The following EYA4 variants were observed in gnomAD, a reference collection of about 807,000 sequenced individuals.
EYA4 encodes EYA transcriptional coactivator and phosphatase 4, also known as protein phosphatase EYA4.
A neutral mutation model predicts 87.9 loss-of-function variants in EYA4; 31 were observed. That is an observed-to-expected ratio of 0.35 (90% CI 0.27 to 0.48). The LOEUF (loss-of-function observed/expected upper bound fraction) is 0.48. Among genes scored for constraint, EYA4 ranks in the 20% least tolerant of loss-of-function variants. EYA4 has a pLI of 0.99. For missense variants in EYA4, 678 were observed against 761.4 expected, an observed-to-expected ratio of 0.89 and a Z score of 1.29; for synonymous variants, 263 against 270.6, an observed-to-expected ratio of 0.97 and a Z score of 0.28.
intron 1 of EYA4, among the ~76,000 whole-genome samples, 159 bp downstream of exon 1, chr6:133,241,908 T>G (rs993603712): frequency 6.6e-6 from 1 of 152,060 alleles, no homozygotes; most frequent in Non-Finnish European, 1.5e-5. Context: ...GGCGCCTGCG[T>G]CCCCGGGGGG....
intron 2 of EYA4, among the ~76,000 whole-genome samples, chr6:133,313,258 T>C (rs1427053026): frequency 6.6e-6 from 1 of 152,094 alleles, no homozygotes; most frequent in East Asian, 1.9e-4. Context: ...TCCTGTGGAG[T>C]AGGAAAGTTT....
chr6:133,404,299 A>G (rs891843960), intron 3 of EYA4, among the ~76,000 whole-genome samples: 4 of 152,214 alleles, frequency 2.6e-5, no homozygotes, highest in Admixed American at 1.3e-4. Context: ...GGGAGAGCAG[A>G]TAAGATCCCC....
chr6:133,367,107 C>G (rs989551016), intron 2 of EYA4, among the ~76,000 whole-genome samples: 1 of 152,154 alleles, frequency 6.6e-6, no homozygotes, highest in African/African-American at 2.4e-5. Flanking sequence ...GATTACTAGA[C>G]AAGTAGTCTT....
At chr6:133,462,548 T>C (rs996239756) in intron 8 of EYA4, 71 bp downstream of exon 8, 214 of 1,612,136 alleles carry the variant, frequency 1.3e-4, no homozygotes, top group Non-Finnish European at 1.7e-4. Context: ...CTTTGTATTC[T>C]ATTGTAGGTT....
intron 3 of EYA4, chr6:133,435,355 A>T (rs1266753746): frequency 1.3e-5 from 2 of 152,304 alleles, no homozygotes; most frequent in African/African-American, 4.8e-5. Context: ...TCACTGGCAC[A>T]TTTCAAGAAC....
chr6:133,373,792 A>G (rs1268184596), intron 2 of EYA4, among the ~76,000 whole-genome samples: 1 of 152,060 alleles, frequency 6.6e-6, no homozygotes, highest in Non-Finnish European at 1.5e-5. Flanking sequence ...TGAGGAAAAA[A>G]ATTCTTTTAG....
intron 16 of EYA4, among the ~76,000 whole-genome samples, chr6:133,515,016 T>C (rs1325248433): frequency 6.6e-6 from 1 of 152,178 alleles, no homozygotes; most frequent in Admixed American, 6.5e-5. Context: ...GGCAGGGGCA[T>C]GTTCAAAGCT....
intron 2 of EYA4, among the ~76,000 whole-genome samples, chr6:133,281,095 C>A (rs965654644): frequency 3.3e-5 from 5 of 152,156 alleles, no homozygotes; most frequent in African/African-American, 1.2e-4. Context: ...TATGGAGACA[C>A]TTCTATTTAT....
chr6:133,242,566 G>A (rs1316177360), intron 1 of EYA4, among the ~76,000 whole-genome samples: 1 of 152,176 alleles, frequency 6.6e-6, no homozygotes, highest in Non-Finnish European at 1.5e-5. Flanking sequence ...AAATGGCTCG[G>A]ATTTTTAGCG....
chr6:133,484,746 G>T (rs564609527), intron 13 of EYA4, among the ~76,000 whole-genome samples: 32 of 152,306 alleles, frequency 2.1e-4, no homozygotes, highest in African/African-American at 7.5e-4. Flanking sequence ...TATTAGGTAA[G>T]TGTTTAAAAT....
chr6:133,464,353 G>A (rs1794664619), intron 9 of EYA4, among the ~76,000 whole-genome samples: 1 of 152,122 alleles, frequency 6.6e-6, no homozygotes, highest in Non-Finnish European at 1.5e-5. Flanking sequence ...GGTTCTGTAT[G>A]TTTATTTCCC....
Position 133,456,465 on chromosome 6 carries a change from C to T in EYA4, c.278-91C>T, listed in dbSNP as rs115009798. ...CTTCTCAGGTTTTCTCTTGCATGCC[C>T]ATGGTAGCTAGAAATATCACTAGTA... On this transcript the variant is annotated intron_variant, in intron 5 of 19. Transcript: ENST00000355286. 1,375 of 908,096 alleles carry T rather than the reference C, an allele frequency of 1.5e-3. 12 individuals carry two copies. In the African/African-American group the frequency reaches 0.018, roughly 12 times the overall value. 56.3% of individuals were successfully genotyped at this position (908,096 alleles called of 1,614,324 possible).
rs1196207213 is a variant in EYA4 at position 133,446,618 on chromosome 6, C to G, written c.84-12C>G. The G allele has an allele frequency of 1.2e-6, 2 of 1,613,702 alleles. No homozygotes were observed. The highest frequency in any genetic ancestry group is 8.5e-7 in the Non-Finnish European group (1 of 1,179,844). On this transcript the variant is annotated splice_polypyrimidine_tract_variant and intron_variant, in intron 3 of 19. Coordinates refer to ENST00000355286, the MANE Select transcript of EYA4 (RefSeq NM_004100.5). The stretch of plus-strand genomic sequence containing the variant: ...AATTTCAACTTTTCTCTGCTGCTTA[C>G]TGCTCTACCAGGTCTATGGAAATGC...
intron 3 of EYA4, among the ~76,000 whole-genome samples, chr6:133,410,633 T>TTTTTTTTTTTTTTTTTTTTTGAGACAG (rs1554252061): frequency 6.7e-6 from 1 of 148,720 alleles, no homozygotes; most frequent in Non-Finnish European, 1.5e-5. Context: ...ACTAAGGTCT[T>TTTTTTTTTTTTTTTTTTTTTGAGACAG]AATTCCTTCT....
intron 13 of EYA4, among the ~76,000 whole-genome samples, chr6:133,500,718 C>T (rs147245182): frequency 6.6e-6 from 1 of 152,118 alleles, no homozygotes; most frequent in African/African-American, 2.4e-5. Context: ...CCCAAAGAAT[C>T]GACTCCTGAA....
chr6:133,397,476 C>A (rs576683439), intron 3 of EYA4, among the ~76,000 whole-genome samples: 1 of 152,132 alleles, frequency 6.6e-6, no homozygotes, highest in African/African-American at 2.4e-5. Flanking sequence ...AATTTTATTT[C>A]ATGGAAAGGT....
At chr6:133,342,574 CATATAT>C (rs56987430) in intron 2 of EYA4, among the ~76,000 whole-genome samples, 5,276 of 100,424 alleles carry the variant, frequency 0.053, 345 homozygotes, top group East Asian at 0.25. Context: ...TACACACTGC[CATATAT>C]ATATATATAT....
chr6:133,506,378 G>A, intron 14 of EYA4, 183 bp downstream of exon 14: 2 of 527,052 alleles, frequency 3.8e-6, no homozygotes, highest in South Asian at 4.3e-5. Context: ...TTGTGTTCAT[G>A]AATAATACAT....
chr6:133,443,074 T>G (rs1265210231), intron 3 of EYA4, among the ~76,000 whole-genome samples: 1 of 152,052 alleles, frequency 6.6e-6, no homozygotes, highest in Non-Finnish European at 1.5e-5. Flanking sequence ...TATATCCATA[T>G]TTTCTTTTCT....
Sources: gnomAD v4.1 joint callset for allele counts (sites outside exome capture counted in the v4.1 genomes callset) on GRCh38, gnomAD v4.1.1 for gene constraint, MANE v1.5 for transcripts, NCBI Gene and HGNC (gene_info 2026-07-23, HGNC 2026-07-21) for gene names.